Variants in DDX21 observed in about 807,000 individuals in gnomAD.
DDX21 encodes the protein nucleolar RNA helicase 2.
Under a neutral mutation model 90.0 loss-of-function variants are expected in DDX21, and 18 were observed. The observed-to-expected ratio is 0.20, with a 90% CI of 0.14 to 0.30. DDX21 has a LOEUF of 0.30. Among genes scored for constraint, DDX21 ranks in the 10% least tolerant of loss-of-function variants. DDX21 has a pLI of 1.00. For synonymous variants in DDX21, 294 were observed against 318.0 expected (o/e 0.92, Z 0.80); for missense variants, 673 against 944.5 (o/e 0.71, Z 3.77).
At chr10:68,976,538 T>C (rs1038438035) in intron 11 of DDX21, among the ~76,000 whole-genome samples, 6 of 152,134 alleles carry the variant, frequency 3.9e-5, no homozygotes, top group Admixed American at 1.3e-4. Flanking sequence ...CCGCCCGCCT[T>C]GGCCTCCCAA....
chr10:68,982,236 A>G (rs1843202415), intron 14 of DDX21, among the ~76,000 whole-genome samples: 1 of 152,198 alleles, frequency 6.6e-6, no homozygotes, highest in South Asian at 2.1e-4. Flanking sequence ...TGTGCTTAAT[A>G]TATTTGTTTT....
At chr10:68,979,008 G>T in intron 13 of DDX21, 32 bp downstream of exon 13, 1 of 1,612,420 alleles carries the variant, frequency 6.2e-7, no homozygotes, top group Middle Eastern at 1.7e-4. Context: ...TAACCTTGAT[G>T]GGGCTTTATG....
chr10:68,960,774 T>TA (rs35285469), intron 2 of DDX21, among the ~76,000 whole-genome samples: 71 of 142,384 alleles, frequency 5.0e-4, no homozygotes, highest in Admixed American at 2.0e-3. Flanking sequence ...ACTCTGTCTT[T>TA]AAAAAAAAAA....
In DDX21 at chr10:68,977,700, C is replaced by T; in HGVS notation, c.1902+12C>T. The T allele has an allele frequency of 1.2e-6, 2 of 1,600,248 alleles. No individual in the cohort carries two copies. The highest frequency in any genetic ancestry group is 1.7e-4 in the Middle Eastern group (1 of 5,796). Reference sequence around the variant, plus strand: ...TCAACTCAAATGTGGTAAGGTTCTGCAGCACATTCCTGACACTTCATAATT... The same window carrying T: ...TCAACTCAAATGTGGTAAGGTTCTGTAGCACATTCCTGACACTTCATAATT... On this transcript the variant is annotated intron_variant, in intron 12 of 14. Coordinates refer to ENST00000354185, the MANE Select transcript of DDX21 (RefSeq NM_004728.4).
chr10:68,956,434 G>T (rs1842795070), intron 1 of DDX21, 122 bp downstream of exon 1: 1 of 1,509,582 alleles, frequency 6.6e-7, no homozygotes, highest in South Asian at 1.2e-5. Context: ...TCCAGACACC[G>T]GGCGTGGGTC....
chr10:68,977,487 C>T (rs1843118608), intron 11 of DDX21, 42 bp from the exon 12 acceptor site: 7 of 1,512,450 alleles, frequency 4.6e-6, no homozygotes, highest in East Asian at 2.3e-5. Flanking sequence ...GAAATGTGTC[C>T]ACTTCTAGTA....
At position 68,981,540 on chromosome 10, in the gene DDX21, G is replaced by A. The variant is rs931721167; in HGVS notation, c.2041G>A (p.Val681Ile). The change falls in exon 14 of 15, where the codon GTT (valine) becomes ATT (isoleucine). Residue 681 changes from valine to isoleucine, a missense_variant. By Grantham distance (29) the Val-to-Ile change is conservative. This residue lies in a region of DDX21 where 225 missense variants were observed against 298.8 expected (regional missense o/e 0.75). Coordinates refer to ENST00000354185, the MANE Select transcript of DDX21 (RefSeq NM_004728.4). ...GMVFLKGKLGVCFDVPTASVT... is the reference protein window; with the variant it reads ...GMVFLKGKLGICFDVPTASVT... ...TTCCATTTGCTTTGATTTCTAGGGTGTTTGCTTTGATGTACCTACCGCATC... is the reference window on the plus strand; with the variant it reads ...TTCCATTTGCTTTGATTTCTAGGGTATTTGCTTTGATGTACCTACCGCATC... The A allele has an allele frequency of 1.2e-6, 2 of 1,612,834 alleles. No individual in the cohort carries two copies. The highest frequency in any genetic ancestry group is 1.3e-5 in the African/African-American group (1 of 74,772).
At chr10:68,964,092 C>T (rs957264616) in intron 4 of DDX21, 4 of 397,736 alleles carry the variant, frequency 1.0e-5, no homozygotes, top group African/African-American at 9.0e-5. Flanking sequence ...GAGCAAGACT[C>T]CGTCTCAAGA....
At chr10:68,956,724 G>C (rs924370835) in intron 1 of DDX21, 5 of 1,028,164 alleles carry the variant, frequency 4.9e-6, no homozygotes, top group Non-Finnish European at 4.7e-6. Flanking sequence ...GAGCGTGCGC[G>C]AAGGAAGTTA....
In DDX21 at chr10:68,980,252, T is replaced by C. The variant is rs192175309; in HGVS notation, c.2037+1276T>C. Among the ~76,000 whole-genome samples the C allele has an allele frequency of 4.4e-3, 673 of 152,130 alleles. 2 individuals carry two copies. The highest frequency in any genetic ancestry group is 7.8e-3 in the Non-Finnish European group (530 of 67,980). On this transcript the variant is annotated intron_variant, in intron 13 of 14. Coordinates refer to ENST00000354185, the MANE Select transcript of DDX21 (RefSeq NM_004728.4). Reference sequence around the variant, plus strand: ...TGAAACTCCGTCTTAAAAAAAAAATTTTATATATATATAAATCTTTTCCTC... The same window carrying C: ...TGAAACTCCGTCTTAAAAAAAAAATCTTATATATATATAAATCTTTTCCTC...
chr10:68,970,391 A>G (rs1472970688), intron 8 of DDX21, 41 bp downstream of exon 8: 1 of 1,582,096 alleles, frequency 6.3e-7, no homozygotes. Context: ...GGGGATATCA[A>G]CAAATCTTCA....
In DDX21 at chr10:68,973,608, A is replaced by G. The variant is rs571466245; in HGVS notation, c.1612A>G (p.Ile538Val). The change falls in exon 10 of 15, where the codon ATC becomes GTC. Residue 538 changes from isoleucine (I) to valine (V), a missense_variant. By Grantham distance (29) the Ile-to-Val change is conservative. Transcript: ENST00000354185. ...CAGAGCTGGAAGGACGGGGGTGTGCATCTGCTTTTATCAGCACAAGGAAGA... is the reference window on the plus strand; with the variant it reads ...CAGAGCTGGAAGGACGGGGGTGTGCGTCTGCTTTTATCAGCACAAGGAAGA... ...TGRAGRTGVC[I>V]CFYQHKEEYQ... The G allele has an allele frequency of 6.2e-7, 1 of 1,614,184 alleles. No homozygotes were observed. The highest frequency in any genetic ancestry group is 1.1e-5 in the South Asian group (1 of 91,088).
chr10:68,979,110 G>T, intron 13 of DDX21, 134 bp downstream of exon 13: 1 of 1,281,394 alleles, frequency 7.8e-7, no homozygotes, highest in Non-Finnish European at 1.1e-6. Context: ...AATCTCATCC[G>T]TGATCCTCAG....
rs543503876 is a variant in DDX21 at position 68,983,255 on chromosome 10, G to A, written c.*443G>A. 1.1e-4 allele frequency: 20 copies of A among 177,470 alleles called. No individual in the cohort carries two copies. The highest frequency in any genetic ancestry group is 2.1e-4 in the Non-Finnish European group (17 of 81,732). 11.0% of individuals were successfully genotyped at this position (177,470 alleles called of 1,614,324 possible). ...GTTAAGGTTTCCTCAGCCACCTGCC[G>A]AACAGTTTCTCATGTGGTCCTATTA... On this transcript the variant is annotated 3_prime_UTR_variant, in exon 15 of 15. Coordinates refer to ENST00000354185, the MANE Select transcript of DDX21 (RefSeq NM_004728.4).
In DDX21 at chr10:68,977,524, A is replaced by T; in HGVS notation, c.1743-5A>T. The T allele has an allele frequency of 6.2e-7, 1 of 1,604,458 alleles. No homozygotes were observed. Among genetic ancestry groups the T allele is most frequent in the Non-Finnish European group, 8.5e-7 (1 of 1,173,584 alleles). On this transcript the variant is annotated splice_region_variant and splice_polypyrimidine_tract_variant and intron_variant, in intron 11 of 14. Coordinates refer to ENST00000354185, the MANE Select transcript of DDX21 (RefSeq NM_004728.4). ...CCTTTCTCCTAACACACTCTCAAAC[A>T]ACAGGCTTTTGGATTCCGTGCCTCC... is the stretch of plus-strand genomic sequence containing the variant.
intron 5 of DDX21, among the ~76,000 whole-genome samples, chr10:68,966,125 T>C (rs1410976857): frequency 1.3e-5 from 2 of 151,200 alleles, no homozygotes; most frequent in African/African-American, 4.9e-5. Flanking sequence ...TAAAACCCCG[T>C]CTCTACTAAA....
intron 14 of DDX21, among the ~76,000 whole-genome samples, chr10:68,982,088 G>A (rs1380167038): frequency 1.3e-5 from 2 of 152,116 alleles, no homozygotes; most frequent in African/African-American, 4.8e-5. Context: ...TGGCCAGGCT[G>A]GTCTCGAACT....
intron 13 of DDX21, among the ~76,000 whole-genome samples, chr10:68,980,217 G>A (rs1386619938): frequency 1.3e-5 from 2 of 152,032 alleles, no homozygotes; most frequent in Non-Finnish European, 2.9e-5. Flanking sequence ...TCCAGCTTGG[G>A]CAACAAGAGT....
At chr10:68,981,721 TC>T (rs1027630611) in intron 14 of DDX21, 140 bp downstream of exon 14, 1 of 773,088 alleles carries the variant, frequency 1.3e-6, no homozygotes, top group African/African-American at 1.8e-5. Context: ...TTTGGAATAT[TC>T]CCCCCTAACT....
Sources: allele counts gnomAD v4.1 joint callset (sites outside exome capture counted in the v4.1 genomes callset), GRCh38; gene constraint gnomAD v4.1.1; regional missense constraint gnomAD v4.1.1; transcripts MANE v1.5; gene names NCBI Gene and HGNC (gene_info 2026-07-23, HGNC 2026-07-21).